USF3: variants seen among roughly 807,000 people sequenced by gnomAD.
USF3 encodes upstream transcription factor family member 3.
Under a neutral mutation model 157.5 loss-of-function variants are expected in USF3, and 29 were observed. The observed-to-expected ratio is 0.18, with a 90% CI of 0.14 to 0.25. USF3 has a LOEUF of 0.25. USF3 is among the 10% of genes least tolerant of loss of function. USF3 has a pLI of 1.00. For synonymous variants in USF3, 893 were observed against 941.4 expected (o/e 0.95, Z 0.94); for missense variants, 2,381 against 2,667.6 (o/e 0.89, Z 2.37).
intron 1 of USF3, among the ~76,000 whole-genome samples, chr3:113,681,610 C>T (rs1345220738): frequency 6.8e-6 from 1 of 147,028 alleles, no homozygotes; most frequent in Non-Finnish European, 1.5e-5. Flanking sequence ...CCATGTTGGC[C>T]AGGCTGGTCT....
intron 5 of USF3, among the ~76,000 whole-genome samples, chr3:113,669,327 A>C (rs1269603088): frequency 1.3e-5 from 2 of 151,656 alleles, no homozygotes; most frequent in Non-Finnish European, 2.9e-5. Flanking sequence ...AAAAAAAAAA[A>C]CACAGAAGAA....
In USF3 at chr3:113,660,271, T is replaced by C. The variant is rs758159139; in HGVS notation, c.1411A>G (p.Ser471Gly). The C allele has an allele frequency of 1.2e-6, 2 of 1,614,172 alleles. No homozygotes were observed. The highest frequency in any genetic ancestry group is 1.7e-6 in the Non-Finnish European group (2 of 1,179,986). Reference protein sequence around the residue: ...SGTSPTTSNHSRYVATDINLN... With the variant: ...SGTSPTTSNHGRYVATDINLN... ...TTGATGTCTGTAGCCACATATCTAC[T>C]GTGGTTGCTTGTGGTGGGGCTAGTA... is the stretch of plus-strand genomic sequence containing the variant. Residue 471 changes from serine (S) to glycine (G), a missense_variant, in exon 7 of 7, where the codon AGT becomes GGT. Ser to Gly is a moderately conservative substitution (Grantham distance 56, BLOSUM62 0). This residue lies in a region of USF3 where 1,435 missense variants were observed against 1,550.9 expected (regional missense o/e 0.93). Coordinates refer to ENST00000316407, the MANE Select transcript of USF3 (RefSeq NM_001009899.4).
At chr3:113,665,090 A>G (rs1436545432) in intron 5 of USF3, among the ~76,000 whole-genome samples, 1 of 151,890 alleles carries the variant, frequency 6.6e-6, no homozygotes, top group Non-Finnish European at 1.5e-5. Flanking sequence ...AGGTTGGGGA[A>G]GGGCCCTGAA....
chr3:113,659,898 G>C lies in USF3; in HGVS notation c.1784C>G (p.Pro595Arg). ...TCGAACAGAACCAGGAGGTGGAGCA[G>C]GGAGGAGTGGCAAAGGATTCTGATT... is the stretch of plus-strand genomic sequence containing the variant. ...AANQNPLPLL[P>R]APPPGSVRLP... is the part of the protein sequence containing the mutation. The change falls in exon 7 of 7, where the codon CCT becomes CGT. Residue 595 changes from proline (P) to arginine (R), a missense_variant. Around this residue, in one of 6 missense-constraint regions of USF3, gnomAD observed 1,435 missense variants for 1,550.9 expected, o/e 0.93. Transcript: ENST00000316407. 6.2e-7 allele frequency: 1 copy of C among 1,614,224 alleles called. No individual in the cohort carries two copies. Among genetic ancestry groups the C allele is most frequent in the Non-Finnish European group, 8.5e-7 (1 of 1,180,038 alleles).
At chr3:113,678,829 C>T (rs1021950506) in intron 1 of USF3, among the ~76,000 whole-genome samples, 2 of 151,946 alleles carry the variant, frequency 1.3e-5, no homozygotes, top group African/African-American at 2.4e-5. Context: ...CTCACTGCAG[C>T]CTCAAACTTC....
At chr3:113,668,998 A>G (rs1707078190) in intron 5 of USF3, among the ~76,000 whole-genome samples, 1 of 152,160 alleles carries the variant, frequency 6.6e-6, no homozygotes, top group South Asian at 2.1e-4. Flanking sequence ...GATGGTTGGA[A>G]GTATCAGAAG....
intron 3 of USF3, among the ~76,000 whole-genome samples, chr3:113,674,523 A>G (rs747429238): frequency 6.6e-6 from 1 of 152,020 alleles, no homozygotes; most frequent in Non-Finnish European, 1.5e-5. Context: ...TTGTATTTTT[A>G]GTAGAGATGG....
In USF3 at chr3:113,656,051, T is replaced by G. The variant is rs1428388065; in HGVS notation, c.5631A>C (p.Glu1877Asp). 6.8e-6 allele frequency: 11 copies of G among 1,614,058 alleles called. No individual in the cohort carries two copies. Among genetic ancestry groups the G allele is most frequent in the Non-Finnish European group, 7.6e-6 (9 of 1,180,010 alleles). The part of the protein sequence containing the change: ...IRRESESQNR[E>D]SCDMSLGAIN... ...TTGCACCTAACGACATGTCACAACT[T>G]TCCCTATTCTGACTCTCACTCTCTC... Residue 1877 changes from glutamate to aspartate, a missense_variant, in exon 7 of 7, where the codon GAA (glutamate) becomes GAC (aspartate). Glu to Asp is a conservative substitution (Grantham distance 45). Around this residue, in one of 6 missense-constraint regions of USF3, gnomAD observed 770 missense variants for 824.2 expected, o/e 0.93. Coordinates refer to ENST00000316407, the MANE Select transcript of USF3 (RefSeq NM_001009899.4).
chr3:113,676,561 G>A (rs1707287461), intron 2 of USF3, among the ~76,000 whole-genome samples: 1 of 152,070 alleles, frequency 6.6e-6, no homozygotes, highest in Admixed American at 6.6e-5. Flanking sequence ...TCCCACTTGG[G>A]CCCCTCCCAT....
chr3:113,675,276 A>T (rs117804878), intron 2 of USF3, among the ~76,000 whole-genome samples: 1 of 152,346 alleles, frequency 6.6e-6, no homozygotes, highest in East Asian at 1.9e-4. Flanking sequence ...GTGAAGTGTT[A>T]TACAGAATTT....
chr3:113,659,083 A>G lies in USF3; in HGVS notation c.2599T>C (p.Leu867=). 6.2e-7 allele frequency: 1 copy of G among 1,614,160 alleles called. No homozygotes were observed. Among genetic ancestry groups the G allele is most frequent in the South Asian group, 1.1e-5 (1 of 91,078 alleles). The change falls in exon 7 of 7, where the codon TTG becomes CTG. Residue 867 remains leucine (L), a synonymous_variant. Coordinates refer to ENST00000316407, the MANE Select transcript of USF3 (RefSeq NM_001009899.4). ...AATGATTCAGAGCTTAGAACACCCA[A>G]AGAATGTGAAGCAGAAACACTCACA... ...NSVSVSASHS[L]GVLSSESLIP...
At chr3:113,688,211 C>T (rs958397610) in intron 1 of USF3, among the ~76,000 whole-genome samples, 10 of 152,092 alleles carry the variant, frequency 6.6e-5, no homozygotes, top group Non-Finnish European at 1.2e-4. Flanking sequence ...CTCCACCTCC[C>T]GGGTTAAAGT....
intron 1 of USF3, among the ~76,000 whole-genome samples, chr3:113,689,768 A>G (rs1577055283): frequency 6.6e-6 from 1 of 152,178 alleles, no homozygotes; most frequent in Admixed American, 6.5e-5. Context: ...TTCACCAATC[A>G]TAGGTCATTT....
At chr3:113,682,816 C>A (rs1398927021) in intron 1 of USF3, among the ~76,000 whole-genome samples, 1 of 150,760 alleles carries the variant, frequency 6.6e-6, no homozygotes, top group Admixed American at 6.6e-5. Context: ...CTTTTCCATC[C>A]CCTTATTTTC....
rs769258375 is a variant in USF3, at chr3:113,649,499, G to GT, written c.*5444dup. The GT allele has an allele frequency of 8.8e-3, 2,004 of 228,190 alleles. No individual in the cohort carries two copies. The highest frequency in any genetic ancestry group is 0.016 in the Middle Eastern group (12 of 736). 14.1% of individuals were successfully genotyped at this position (228,190 alleles called of 1,614,324 possible). ...AGTTTAACAGGAGTTTTGCTACTAG[G>GT]TTTTTTTTTTGTTTTTTGTTTTTTT... On this transcript the variant is annotated 3_prime_UTR_variant, in exon 7 of 7. Transcript: ENST00000316407.
chr3:113,649,916 A>G lies in USF3; in HGVS notation c.*5028T>C. The G allele has an allele frequency of 1.4e-6, 1 of 695,268 alleles. No homozygotes were observed. The highest frequency in any genetic ancestry group is 2.6e-6 in the Non-Finnish European group (1 of 382,560). The allele number at this position is 695,268 out of a possible 1,614,324, so 43.1% of individuals were successfully genotyped here. On this transcript the variant is annotated 3_prime_UTR_variant, in exon 7 of 7. Transcript: ENST00000316407. Reference sequence around the variant, plus strand: ...TCCAAAAAAGGCCCTTTTCTTTCAAACCCTGGGGAAAGAAAAATGGTAATG... The same window carrying G: ...TCCAAAAAAGGCCCTTTTCTTTCAAGCCCTGGGGAAAGAAAAATGGTAATG...
At chr3:113,672,755 C>T (rs979831235) in intron 4 of USF3, among the ~76,000 whole-genome samples, 11 of 152,146 alleles carry the variant, frequency 7.2e-5, no homozygotes, top group African/African-American at 2.7e-4. Flanking sequence ...TCCCAAGGGT[C>T]CTTTCCTTAG....
At chr3:113,666,884 G>A (rs1325915351) in intron 5 of USF3, among the ~76,000 whole-genome samples, 2 of 151,954 alleles carry the variant, frequency 1.3e-5, no homozygotes, top group Non-Finnish European at 2.9e-5. Context: ...CACTGTGCCC[G>A]GACTACTTAT....
rs1226227704 is a variant in USF3, at chr3:113,679,960, TGA to T, written c.-134-2565_-134-2564del. ...GAGTTTATGTTTTTCTTTTTTTTTT[TGA>T]GACAGAGTTTCGCTCTTTTTGCCCA... is the stretch of plus-strand genomic sequence containing the variant. On this transcript the variant is annotated intron_variant, in intron 1 of 6. Coordinates refer to ENST00000316407, the MANE Select transcript of USF3 (RefSeq NM_001009899.4). Among the ~76,000 whole-genome samples the T allele has an allele frequency of 2.0e-5, 3 of 151,990 alleles. No individual in the cohort carries two copies. The South Asian group carries it at 6.2e-4, about 32-fold the overall frequency.
Sources: gnomAD v4.1 joint callset for allele counts (sites outside exome capture counted in the v4.1 genomes callset) on GRCh38, gnomAD v4.1.1 for gene constraint, gnomAD v4.1.1 regional missense constraint, MANE v1.5 for transcripts, NCBI Gene and HGNC (gene_info 2026-07-23, HGNC 2026-07-21) for gene names.